SLC8A1: variants seen among roughly 807,000 people sequenced by gnomAD.
SLC8A1 encodes the protein solute carrier family 8 member A1.
SLC8A1 carries 18 observed loss-of-function variants against 68.3 expected under a neutral mutation model. The observed-to-expected ratio is 0.26, with a 90% confidence interval of 0.18 to 0.39. SLC8A1 has a LOEUF of 0.39. Among genes scored for constraint, SLC8A1 ranks in the 10% least tolerant of loss-of-function variants. The pLI is 1.00. For synonymous variants in SLC8A1, 475 were observed against 415.5 expected (o/e 1.14, Z -1.74); for missense variants, 985 against 1,156.7 (o/e 0.85, Z 2.15).
chr2:40,312,428 CTT>C, intron 2 of SLC8A1, among the ~76,000 whole-genome samples: 1 of 152,102 alleles, frequency 6.6e-6, no homozygotes, highest in East Asian at 1.9e-4. Context: ...GTCCAGGAAA[CTT>C]CATCCTGTAA....
intron 2 of SLC8A1, among the ~76,000 whole-genome samples, chr2:40,310,055 C>T (rs1449707747): frequency 2.0e-5 from 3 of 152,154 alleles, no homozygotes; most frequent in African/African-American, 7.2e-5. Flanking sequence ...TGGAATCATA[C>T]AATATGTCAC....
In SLC8A1 at chr2:40,385,471, C is replaced by T. The variant is rs868303029; in HGVS notation, c.1808+43002G>A. Among the ~76,000 whole-genome samples the T allele has an allele frequency of 3.3e-5, 5 of 149,280 alleles. No homozygotes were observed. In the South Asian group the frequency reaches 6.3e-4, roughly 19 times the overall value. On this transcript the variant is annotated intron_variant, in intron 2 of 7. Transcript: ENST00000406785. ...TTTTTGGAAACTGTATCAATTGCTACGAAAAGACAGAAGTATAAATATAGG... is the reference window on the plus strand; with the variant it reads ...TTTTTGGAAACTGTATCAATTGCTATGAAAAGACAGAAGTATAAATATAGG...
At chr2:40,267,692 C>G (rs568749823) in intron 2 of SLC8A1, among the ~76,000 whole-genome samples, 1 of 152,208 alleles carries the variant, frequency 6.6e-6, no homozygotes, top group Admixed American at 6.5e-5. Context: ...CAGAGTATGA[C>G]AGGTTGAGTG....
chr2:40,503,396 G>T (rs1706168178), intron 1 of SLC8A1, among the ~76,000 whole-genome samples: 1 of 151,952 alleles, frequency 6.6e-6, no homozygotes. Context: ...GGTATAGTGA[G>T]ATAGTCACAC....
intron 2 of SLC8A1, among the ~76,000 whole-genome samples, chr2:40,319,988 T>C (rs2074988899): frequency 6.6e-6 from 1 of 152,140 alleles, no homozygotes; most frequent in South Asian, 2.1e-4. Flanking sequence ...TTATGGCACC[T>C]CCCTTTTAAA....
At chr2:40,349,084 C>T (rs1448947549) in intron 2 of SLC8A1, among the ~76,000 whole-genome samples, 1 of 152,110 alleles carries the variant, frequency 6.6e-6, no homozygotes, top group Non-Finnish European at 1.5e-5. Flanking sequence ...CTCCTTCATG[C>T]CCATTCTCAT....
intron 2 of SLC8A1, among the ~76,000 whole-genome samples, chr2:40,273,581 A>G (rs1405931036): frequency 6.6e-6 from 1 of 152,222 alleles, no homozygotes; most frequent in Non-Finnish European, 1.5e-5. Context: ...AAGGTACTTT[A>G]TAGGATGTCC....
intron 2 of SLC8A1, among the ~76,000 whole-genome samples, chr2:40,202,149 C>T (rs1312304831): frequency 1.3e-5 from 2 of 151,872 alleles, no homozygotes; most frequent in Non-Finnish European, 2.9e-5. Flanking sequence ...AAAATTAATC[C>T]AGTGTTAACA....
intron 2 of SLC8A1, among the ~76,000 whole-genome samples, chr2:40,242,383 C>T (rs553184571): frequency 2.0e-5 from 3 of 152,220 alleles, no homozygotes; most frequent in Admixed American, 6.5e-5. Flanking sequence ...ATGGTGAAAT[C>T]GCTTTGTGTA....
At chr2:40,430,240 G>A in exon 2 of SLC8A1, 1 of 1,613,304 alleles carries the variant, frequency 6.2e-7, no homozygotes, top group Non-Finnish European at 8.5e-7. Flanking sequence ...AAATCCCATT[G>A]AAAAGGTGGG....
chr2:40,207,265 T>A (rs1574057215), intron 2 of SLC8A1, among the ~76,000 whole-genome samples: 1 of 151,984 alleles, frequency 6.6e-6, no homozygotes, highest in African/African-American at 2.4e-5. Flanking sequence ...AGTGATATGT[T>A]CCATCCACTG....
chr2:40,117,204 C>T (rs2035633888), intron 7 of SLC8A1, among the ~76,000 whole-genome samples: 1 of 151,754 alleles, frequency 6.6e-6, no homozygotes. Flanking sequence ...AGCATGTGAA[C>T]AGAACTTGCA....
At chr2:40,293,674 C>A (rs1419900651) in intron 2 of SLC8A1, among the ~76,000 whole-genome samples, 1 of 152,064 alleles carries the variant, frequency 6.6e-6, no homozygotes, top group African/African-American at 2.4e-5. Context: ...CTCTATTAAG[C>A]TTTTGACCTA....
chr2:40,369,360 C>T (rs1677267814), intron 2 of SLC8A1, among the ~76,000 whole-genome samples: 1 of 152,042 alleles, frequency 6.6e-6, no homozygotes, highest in African/African-American at 2.4e-5. Context: ...CCTCAGTGTT[C>T]AGGGATATGA....
chr2:40,428,487 C>T lies in SLC8A1; in HGVS notation c.1794G>A (p.Gln598=), dbSNP rs193064894. The change falls in exon 2 of 8, where the codon CAG becomes CAA. Residue 598 remains glutamine, a synonymous_variant. Coordinates refer to ENST00000406785, the Ensembl canonical transcript of SLC8A1. ...ATAGAACTTACACAATTTCATCATT[C>T]TGGAATTCGAGCTCTCCACAAGTGT... 7 of 1,592,624 alleles carry T rather than the reference C, an allele frequency of 4.4e-6. No individual in the cohort carries two copies. The East Asian group carries it at 1.6e-4, about 36-fold the overall frequency.
intron 2 of SLC8A1, chr2:40,254,486 C>T (rs759253110): frequency 2.6e-5 from 3 of 114,132 alleles, no homozygotes; most frequent in Non-Finnish European, 3.9e-5. Context: ...AAGAATTACT[C>T]TCTTGAACTC....
At chr2:40,381,477 G>A (rs1389745399) in intron 2 of SLC8A1, among the ~76,000 whole-genome samples, 1 of 151,824 alleles carries the variant, frequency 6.6e-6, no homozygotes, top group Non-Finnish European at 1.5e-5. Flanking sequence ...CATATCTCCA[G>A]AACAGGTTTC....
chr2:40,104,401 G>C (rs886754399), exon 8 of SLC8A1: 1 of 152,190 alleles, frequency 6.6e-6, no homozygotes, highest in African/African-American at 2.4e-5. Flanking sequence ...ACTTACACAG[G>C]TCTTGGCTCA....
chr2:40,482,927 A>G (rs1309790780), intron 1 of SLC8A1, among the ~76,000 whole-genome samples: 1 of 148,334 alleles, frequency 6.7e-6, no homozygotes, highest in East Asian at 2.0e-4. Flanking sequence ...AGTAGCTGGG[A>G]CTACAGGCGC....
Sources: allele counts gnomAD v4.1 joint callset (sites outside exome capture counted in the v4.1 genomes callset), GRCh38; gene constraint gnomAD v4.1.1; transcripts MANE v1.5; gene names NCBI Gene and HGNC (gene_info 2026-07-23, HGNC 2026-07-21).